Variants in TMPRSS11F observed in about 807,000 individuals in gnomAD.
The protein encoded by TMPRSS11F is transmembrane serine protease 11F, also known as transmembrane protease serine 11F.
TMPRSS11F carries 47 observed loss-of-function variants against 60.2 expected under a neutral mutation model. The ratio of observed to expected loss-of-function variants is 0.78; its 90% CI spans 0.62 to 1.00. The LOEUF is 1.00. TMPRSS11F is among the 50% of genes least tolerant of loss of function. The probability of loss-of-function intolerance (pLI) is 0.00; values close to 1 mark genes in which losing one functional copy is unlikely to be tolerated. For synonymous variants in TMPRSS11F, 166 were observed against 167.3 expected (o/e 0.99, Z 0.06); for missense variants, 519 against 522.9 (o/e 0.99, Z 0.07).
chr4:68,118,870 G>A lies in TMPRSS11F; in HGVS notation c.11+10940C>T, dbSNP rs150427172. ...AGACCTGAAGGATCATCTAATTAGG[G>A]TGAAAGCAAAAGAATGAGTTGCATG... On this transcript the variant is annotated intron_variant, in intron 1 of 9. Coordinates refer to ENST00000356291, the MANE Select transcript of TMPRSS11F (RefSeq NM_207407.2). Among the ~76,000 whole-genome samples, 31 of 152,236 alleles carry A rather than the reference G, an allele frequency of 2.0e-4. 1 individual carries two copies. In the East Asian group the frequency reaches 6.0e-3, roughly 29 times the overall value.
chr4:68,057,606 A>G (rs1723072755), intron 9 of TMPRSS11F, among the ~76,000 whole-genome samples: 1 of 152,210 alleles, frequency 6.6e-6, no homozygotes, highest in Non-Finnish European at 1.5e-5. Flanking sequence ...TGCAAACCAT[A>G]TATTTGATAA....
intron 1 of TMPRSS11F, among the ~76,000 whole-genome samples, chr4:68,125,103 A>G (rs564605171): frequency 6.6e-5 from 10 of 151,774 alleles, no homozygotes; most frequent in Admixed American, 1.3e-4. Context: ...ATAAACTTGA[A>G]CCATATGAAA....
chr4:68,115,075 C>T (rs1184821573), intron 1 of TMPRSS11F, among the ~76,000 whole-genome samples: 12 of 150,452 alleles, frequency 8.0e-5, no homozygotes, highest in South Asian at 2.1e-4. Flanking sequence ...CCCGGCCGGG[C>T]GCAGTGGCTC....
At chr4:68,111,121 C>T (rs1025727142) in intron 1 of TMPRSS11F, among the ~76,000 whole-genome samples, 1 of 152,090 alleles carries the variant, frequency 6.6e-6, no homozygotes, top group Non-Finnish European at 1.5e-5. Flanking sequence ...ATAACTAAAT[C>T]TCAGTACTGT....
intron 1 of TMPRSS11F, among the ~76,000 whole-genome samples, chr4:68,123,538 A>G (rs1420321868): frequency 3.9e-5 from 6 of 152,238 alleles, no homozygotes; most frequent in African/African-American, 1.4e-4. Context: ...TATGAAACAA[A>G]ATAAATTGAT....
At chr4:68,113,309 T>C (rs957889166) in intron 1 of TMPRSS11F, among the ~76,000 whole-genome samples, 5 of 151,970 alleles carry the variant, frequency 3.3e-5, no homozygotes, top group African/African-American at 1.2e-4. Flanking sequence ...CTGTGGAAGG[T>C]AGAACCTGAG....
At chr4:68,115,001 A>G (rs1456960929) in intron 1 of TMPRSS11F, among the ~76,000 whole-genome samples, 4 of 150,186 alleles carry the variant, frequency 2.7e-5, no homozygotes, top group African/African-American at 7.3e-5. Flanking sequence ...AAAAAAAAAA[A>G]AAAAAAAAAA....
chr4:68,101,298 G>C (rs574891537), intron 1 of TMPRSS11F, among the ~76,000 whole-genome samples: 1 of 152,192 alleles, frequency 6.6e-6, no homozygotes, highest in Admixed American at 6.6e-5. Context: ...GTAGCTGGCA[G>C]GTACAGTATG....
chr4:68,125,386 C>T (rs1261170502), intron 1 of TMPRSS11F, among the ~76,000 whole-genome samples: 1 of 151,884 alleles, frequency 6.6e-6, no homozygotes, highest in South Asian at 2.1e-4. Context: ...GTTAATAATA[C>T]ATTTTAAATA....
intron 7 of TMPRSS11F, among the ~76,000 whole-genome samples, chr4:68,067,282 T>C (rs906607139): frequency 3.9e-5 from 6 of 152,220 alleles, no homozygotes; most frequent in Non-Finnish European, 5.9e-5. Context: ...CCATTTTCTA[T>C]TGAATCATTC....
chr4:68,066,418 C>T (rs1006394904), intron 7 of TMPRSS11F, among the ~76,000 whole-genome samples: 29 of 152,166 alleles, frequency 1.9e-4, no homozygotes, highest in Admixed American at 1.8e-3. Context: ...TTTATGAATA[C>T]GAAAATTAAG....
In TMPRSS11F at chr4:68,078,290, TC is replaced by T. The variant is rs910066366; in HGVS notation, c.283-4282del. Among the ~76,000 whole-genome samples the T allele has an allele frequency of 8.7e-4, 132 of 152,146 alleles. 1 individual carries two copies. Among genetic ancestry groups the T allele is most frequent in the African/African-American group, 2.9e-3 (121 of 41,508 alleles). ...CATTTTCCTCTTCCTACAACTTTTT[TC>T]CCCCCTGGCAAATTTCTTCAATTAC... is the stretch of plus-strand genomic sequence containing the variant. On this transcript the variant is annotated intron_variant, in intron 3 of 9. Coordinates refer to ENST00000356291, the MANE Select transcript of TMPRSS11F (RefSeq NM_207407.2).
At chr4:68,099,880 G>A (rs887565925) in intron 1 of TMPRSS11F, among the ~76,000 whole-genome samples, 3 of 152,070 alleles carry the variant, frequency 2.0e-5, no homozygotes, top group Non-Finnish European at 4.4e-5. Flanking sequence ...CACTTTAAAA[G>A]GGGAAACAGA....
intron 2 of TMPRSS11F, among the ~76,000 whole-genome samples, chr4:68,098,523 C>G (rs1044902092): frequency 2.6e-5 from 4 of 152,086 alleles, no homozygotes; most frequent in African/African-American, 9.7e-5. Context: ...TCAGATAACT[C>G]TTCTTATATC....
rs116876934 is a variant in TMPRSS11F at position 68,086,135 on chromosome 4, G to C, written c.282+4388C>G. Among the ~76,000 whole-genome samples the C allele has an allele frequency of 1.1e-3, 167 of 152,022 alleles. 4 individuals are homozygous for C. The East Asian group carries it at 0.031, about 28-fold the overall frequency. On this transcript the variant is annotated intron_variant, in intron 3 of 9. Coordinates refer to ENST00000356291, the MANE Select transcript of TMPRSS11F (RefSeq NM_207407.2). The stretch of plus-strand genomic sequence containing the variant: ...GATAAATCAAGTATTTGCCCATAAA[G>C]CAAGCCTGAATAAATTAAAAAAAAA...
chr4:68,098,015 C>A (rs1036180281), intron 2 of TMPRSS11F, among the ~76,000 whole-genome samples: 1 of 152,056 alleles, frequency 6.6e-6, no homozygotes, highest in African/African-American at 2.4e-5. Context: ...ATTAAAAATG[C>A]AGAAATCGGC....
chr4:68,095,824 A>G (rs1724062905), intron 2 of TMPRSS11F, among the ~76,000 whole-genome samples: 1 of 140,952 alleles, frequency 7.1e-6, no homozygotes, highest in Non-Finnish European at 1.5e-5. Context: ...TGAACCCGGG[A>G]GGCAGAGGTT....
chr4:68,109,507 G>A (rs1724371074), intron 1 of TMPRSS11F, among the ~76,000 whole-genome samples: 2 of 152,210 alleles, frequency 1.3e-5, no homozygotes, highest in African/African-American at 4.8e-5. Context: ...TTATAAGTCT[G>A]CTTCTTTCAT....
At chr4:68,105,771 T>C (rs530319183) in intron 1 of TMPRSS11F, among the ~76,000 whole-genome samples, 3 of 152,308 alleles carry the variant, frequency 2.0e-5, no homozygotes, top group African/African-American at 7.2e-5. Flanking sequence ...GTTTAAAATG[T>C]ATAAAAATAA....
Sources: allele counts gnomAD v4.1 joint callset (sites outside exome capture counted in the v4.1 genomes callset), GRCh38; gene constraint gnomAD v4.1.1; transcripts MANE v1.5; gene names NCBI Gene and HGNC (gene_info 2026-07-23, HGNC 2026-07-21).